The following ERVK3-1 variants were observed in gnomAD, a reference collection of about 807,000 sequenced individuals.
ERVK3-1 encodes the protein HERV-K(HML6-1).
intron 2 of ERVK3-1, chr19:58,306,613 CCAG>C (rs1249579448): frequency 6.6e-6 from 1 of 152,204 alleles, no homozygotes; most frequent in Non-Finnish European, 1.5e-5. Flanking sequence ...TTTTGTCTCA[CCAG>C]CAGCGCCCAT....
intron 2 of ERVK3-1, 174 bp from the exon 3 acceptor site, chr19:58,311,992 A>G (rs2051559447): frequency 2.5e-6 from 1 of 394,490 alleles, no homozygotes; most frequent in Non-Finnish European, 4.5e-6. Flanking sequence ...TTTACTTTAA[A>G]TTGTTTGACT....
Position 58,312,498 on chromosome 19 carries a change from G to A in ERVK3-1, c.294+36G>A, listed in dbSNP as rs150916633. ...CCTGTGTAGAGGCAAAAACATATTGGGCATATGTTCCTAACCCACTGGTAG... is the reference window on the plus strand; with the variant it reads ...CCTGTGTAGAGGCAAAAACATATTGAGCATATGTTCCTAACCCACTGGTAG... On this transcript the variant is annotated intron_variant, in intron 3 of 3. Coordinates refer to ENST00000413518, the Ensembl canonical transcript of ERVK3-1. This position sits in a 1 kb window ranked among gnomAD's most constrained non-coding sequence, Gnocchi z 4.7. The A allele has an allele frequency of 2.5e-5, 10 of 399,782 alleles. No individual in the cohort carries two copies. The highest frequency in any genetic ancestry group is 1.4e-4 in the African/African-American group (7 of 48,696). The allele number at this position is 399,782 out of a possible 1,614,324, so 24.8% of individuals were successfully genotyped here. A position where few individuals can be genotyped will look rare whatever the true frequency, so the allele number is the denominator to read the frequency against.
At chr19:58,316,258 A>G (rs1385154809), downstream of ERVK3-1, among the ~76,000 whole-genome samples, 1 of 152,076 alleles carries the variant, frequency 6.6e-6, no homozygotes, top group Non-Finnish European at 1.5e-5. Flanking sequence ...TGCCCCCTTC[A>G]TCACTCTCCA....
Position 58,312,319 on chromosome 19 carries a change from G to A in ERVK3-1, c.151G>A (p.Gly51Arg), listed in dbSNP as rs1191209239. The A allele has an allele frequency of 2.0e-5, 8 of 400,016 alleles. No homozygotes were observed. Among genetic ancestry groups the A allele is most frequent in the East Asian group, 3.6e-5 (1 of 28,084 alleles). 24.8% of individuals were successfully genotyped at this position (400,016 alleles called of 1,614,324 possible). A position where few individuals can be genotyped will look rare whatever the true frequency, so the allele number is the denominator to read the frequency against. ...TGCAAAGACAGAACAAGGGCCGACC[G>A]GAGTCACAATGACATCCAACCCCAT... Residue 51 changes from glycine (G) to arginine (R), a missense_variant, in exon 3 of 4, where the codon GGA becomes AGA. Gly to Arg is a moderately radical substitution (Grantham distance 125). Transcript: ENST00000413518. This position sits in a 1 kb window ranked among gnomAD's most constrained non-coding sequence, Gnocchi z 4.7.
chr19:58,313,309 T>A lies in ERVK3-1; in HGVS notation c.294+847T>A, dbSNP rs1056602275. On this transcript the variant is annotated intron_variant, in intron 3 of 3. Coordinates refer to ENST00000413518, the Ensembl canonical transcript of ERVK3-1. The surrounding 1 kb of genome is among the most constrained non-coding windows in gnomAD (Gnocchi z 4.5). ...TGTTGTTGTTGTTAACTGTTTGAGA[T>A]GGAGTCTCACTCTGTCGCCCAGGCT... Among the ~76,000 whole-genome samples, 2 of 152,198 alleles carry A rather than the reference T, an allele frequency of 1.3e-5. No individual in the cohort carries two copies. Among genetic ancestry groups the A allele is most frequent in the Admixed American group, 6.5e-5 (1 of 15,276 alleles).
At chr19:58,306,271 G>T in intron 2 of ERVK3-1, 55 bp downstream of exon 2, 1 of 152,382 alleles carries the variant, frequency 6.6e-6, no homozygotes. Context: ...AGGGTAACAT[G>T]GGGCAGAATC....
chr19:58,307,433 C>G (rs983490728), intron 2 of ERVK3-1, among the ~76,000 whole-genome samples: 1 of 152,162 alleles, frequency 6.6e-6, no homozygotes, highest in Non-Finnish European at 1.5e-5. Flanking sequence ...GAACTGAACT[C>G]CATCGTTCAA....
Position 58,313,620 on chromosome 19 carries a change from TAGCATCTAAGA to T in ERVK3-1, c.295-1125_295-1115del. ...TGTGTTTTTAATCCCTATGTTTTTCTAGCATCTAAGAAGGACCAACTCCACGTAAACATCAC... is the reference window on the plus strand; with the variant it reads ...TGTGTTTTTAATCCCTATGTTTTTCTAGGACCAACTCCACGTAAACATCAC... On this transcript the variant is annotated intron_variant, in intron 3 of 3. Transcript: ENST00000413518. This position sits in a 1 kb window ranked among gnomAD's most constrained non-coding sequence, Gnocchi z 4.5. Among the ~76,000 whole-genome samples, 1 of 152,332 alleles carries T rather than the reference TAGCATCTAAGA, an allele frequency of 6.6e-6. No individual in the cohort carries two copies. The highest frequency in any genetic ancestry group is 1.5e-5 in the Non-Finnish European group (1 of 68,022).
intron 2 of ERVK3-1, chr19:58,311,936 A>G: frequency 2.8e-6 from 1 of 351,040 alleles, no homozygotes; most frequent in Non-Finnish European, 5.1e-6. Flanking sequence ...AAAAAGGGAG[A>G]ATAGGGGACC....
chr19:58,310,837 AC>A lies in ERVK3-1; in HGVS notation c.-3-1326del. On this transcript the variant is annotated intron_variant, in intron 2 of 3. Transcript: ENST00000413518. The surrounding 1 kb of genome is among the most constrained non-coding windows in gnomAD (Gnocchi z 4.7). ...CCCAGGGAAAGGGAGACCGCCCCCC[AC>A]CCTTTCCCGGTCTGCTAAGTAGCGG... 2.6e-6 allele frequency: 1 copy of A among 391,402 alleles called. No individual in the cohort carries two copies. The allele number at this position is 391,402 out of a possible 1,614,324, so 24.2% of individuals were successfully genotyped here.
intron 2 of ERVK3-1, chr19:58,311,551 C>G (rs775692396): frequency 1.3e-5 from 2 of 152,234 alleles, no homozygotes; most frequent in Non-Finnish European, 2.9e-5. Context: ...CCTGGTGTTG[C>G]ACCTGTGGAA....
At chr19:58,305,844 G>T (rs548180469) in intron 1 of ERVK3-1, among the ~76,000 whole-genome samples, 45 of 152,316 alleles carry the variant, frequency 3.0e-4, no homozygotes, top group African/African-American at 1.1e-3. Context: ...GCTCCTTGAG[G>T]TTATCTACAG....
intron 2 of ERVK3-1, chr19:58,311,182 T>C (rs1421664000): frequency 6.6e-6 from 1 of 152,412 alleles, no homozygotes; most frequent in East Asian, 1.9e-4. Flanking sequence ...GTTTTATATT[T>C]TATTATACTG....
intron 2 of ERVK3-1, among the ~76,000 whole-genome samples, chr19:58,307,545 G>A (rs2147968419): frequency 6.6e-6 from 1 of 151,646 alleles, no homozygotes; most frequent in African/African-American, 2.4e-5. Flanking sequence ...TGGAAAAATT[G>A]GACATTTCAA....
chr19:58,310,840 CT>C lies in ERVK3-1; in HGVS notation c.-3-1323del. ...AGGGAAAGGGAGACCGCCCCCCACC[CT>C]TTCCCGGTCTGCTAAGTAGCGGGTG... On this transcript the variant is annotated intron_variant, in intron 2 of 3. Coordinates refer to ENST00000413518, the Ensembl canonical transcript of ERVK3-1. This position sits in a 1 kb window ranked among gnomAD's most constrained non-coding sequence, Gnocchi z 4.7. 3 of 395,234 alleles carry C rather than the reference CT, an allele frequency of 7.6e-6. No homozygotes were observed. The highest frequency in any genetic ancestry group is 1.8e-5 in the South Asian group (1 of 55,868). 24.5% of individuals were successfully genotyped at this position (395,234 alleles called of 1,614,324 possible).
At chr19:58,315,183 C>G (rs1374467235) in exon 4 of ERVK3-1, 7 of 165,906 alleles carry the variant, frequency 4.2e-5, no homozygotes, top group Non-Finnish European at 3.9e-5. Flanking sequence ...AAGGAGCCCC[C>G]TGACCCCTTC....
intron 3 of ERVK3-1, among the ~76,000 whole-genome samples, chr19:58,314,061 T>C (rs1314759595): frequency 6.6e-6 from 1 of 152,196 alleles, no homozygotes; most frequent in Non-Finnish European, 1.5e-5. Context: ...AAGGCTACTG[T>C]TCTGTGGCTG....
At chr19:58,315,031 C>G (rs1216032462) in exon 4 of ERVK3-1, 2 of 366,306 alleles carry the variant, frequency 5.5e-6, no homozygotes, top group Non-Finnish European at 9.7e-6. Flanking sequence ...CAGGAACATC[C>G]AGAACCTGTT....
Position 58,312,462 on chromosome 19 carries a change from G to C in ERVK3-1, c.294G>C (p.Ala98=), listed in dbSNP as rs745577026. Residue 98 remains alanine (A), a splice_region_variant and synonymous_variant, in exon 3 of 4, where the codon GCG becomes GCC. Coordinates refer to ENST00000413518, the Ensembl canonical transcript of ERVK3-1. This position sits in a 1 kb window ranked among gnomAD's most constrained non-coding sequence, Gnocchi z 4.7. Reference sequence around the variant, plus strand: ...CCATGCTAGCTGTAGTGTCCTGTGCGGTATGTTTCCCCTGTGTAGAGGCAA... The same window carrying C: ...CCATGCTAGCTGTAGTGTCCTGTGCCGTATGTTTCCCCTGTGTAGAGGCAA... 5.0e-6 allele frequency: 2 copies of C among 399,936 alleles called. No individual in the cohort carries two copies. The highest frequency in any genetic ancestry group is 8.8e-6 in the Non-Finnish European group (2 of 226,080). 24.8% of individuals were successfully genotyped at this position (399,936 alleles called of 1,614,324 possible). A position where few individuals can be genotyped will look rare whatever the true frequency, so the allele number is the denominator to read the frequency against.
Sources: allele counts gnomAD v4.1 joint callset (sites outside exome capture counted in the v4.1 genomes callset), GRCh38; gene constraint gnomAD v4.1.1; non-coding constraint Gnocchi (gnomAD v3.1); transcripts MANE v1.5; gene names NCBI Gene and HGNC (gene_info 2026-07-23, HGNC 2026-07-21).